GJA1: variants seen among roughly 807,000 people sequenced by gnomAD.
GJA1 encodes gap junction protein alpha 1.
A neutral mutation model predicts 31.0 loss-of-function variants in GJA1; 9 were observed. The observed-to-expected ratio is 0.29, with a 90% CI of 0.17 to 0.51. The LOEUF is 0.51. Ranked by LOEUF, GJA1 falls within the 20% of genes least tolerant of loss-of-function variation. The probability of loss-of-function intolerance (pLI) is 0.98; values close to 1 mark genes in which losing one functional copy is unlikely to be tolerated. For missense variants in GJA1, 278 were observed against 468.8 expected (o/e 0.59, Z 3.76); for synonymous variants, 186 against 180.1 (o/e 1.03, Z -0.26).
At chr6:121,444,017 T>A (rs796084873) in intron 1 of GJA1, among the ~76,000 whole-genome samples, 9 of 152,304 alleles carry the variant, frequency 5.9e-5, no homozygotes, top group African/African-American at 1.9e-4. Flanking sequence ...TGTCTGACCC[T>A]CATGGACTAT....
At position 121,447,549 on chromosome 6, in the gene GJA1, G is replaced by T; in HGVS notation, c.702G>T (p.Lys234Asn). 1 of 1,613,982 alleles carries T rather than the reference G, an allele frequency of 6.2e-7. No homozygotes were observed. Among genetic ancestry groups the T allele is most frequent in the Non-Finnish European group, 8.5e-7 (1 of 1,179,966 alleles). Residue 234 changes from lysine to asparagine, a missense_variant, in exon 2 of 2, where the codon AAG (lysine) becomes AAT (asparagine). This residue lies in a region of GJA1 where 172 missense variants were observed against 190.9 expected (regional missense o/e 0.90). Coordinates refer to ENST00000282561, the MANE Select transcript of GJA1 (RefSeq NM_000165.5). Reference sequence around the variant, plus strand: ...TTGAACTCTTCTATGTTTTCTTCAAGGGCGTTAAGGATCGGGTTAAGGGAA... The same window carrying T: ...TTGAACTCTTCTATGTTTTCTTCAATGGCGTTAAGGATCGGGTTAAGGGAA... The part of the protein sequence containing the change: ...NIIELFYVFF[K>N]GVKDRVKGKS...
intron 1 of GJA1, among the ~76,000 whole-genome samples, chr6:121,439,632 G>A (rs1009031301): frequency 6.6e-6 from 1 of 152,096 alleles, no homozygotes; most frequent in African/African-American, 2.4e-5. Flanking sequence ...TCTTTTATGG[G>A]ATGCACCATC....
rs1483450114 is a variant in GJA1, at chr6:121,447,351, C to T, written c.504C>T (p.Ala168=). ...SILFKSIFEV[A]FLLIQWYIYG... ...TCTTCAAGTCTATCTTTGAGGTGGC[C>T]TTCTTGCTGATCCAGTGGTACATCT... is the stretch of plus-strand genomic sequence containing the variant. The change falls in exon 2 of 2, where the codon GCC becomes GCT. Residue 168 remains alanine, a synonymous_variant. Coordinates refer to ENST00000282561, the MANE Select transcript of GJA1 (RefSeq NM_000165.5). 7 of 1,613,962 alleles carry T rather than the reference C, an allele frequency of 4.3e-6. No individual in the cohort carries two copies. In the Admixed American group the frequency reaches 6.7e-5, roughly 15 times the overall value.
chr6:121,438,594 T>A (rs1773709171), intron 1 of GJA1, among the ~76,000 whole-genome samples: 1 of 152,226 alleles, frequency 6.6e-6, no homozygotes, highest in Non-Finnish European at 1.5e-5. Context: ...CAGTGATTAA[T>A]ACCTTCCACT....
chr6:121,444,046 T>C (rs147096621), intron 1 of GJA1, among the ~76,000 whole-genome samples: 87 of 152,316 alleles, frequency 5.7e-4, no homozygotes, highest in Non-Finnish European at 1.1e-3. Context: ...ATTTCCAGTC[T>C]AGTATTTTCT....
intron 1 of GJA1, among the ~76,000 whole-genome samples, chr6:121,446,401 G>A (rs1235586905): frequency 6.6e-6 from 1 of 152,220 alleles, no homozygotes; most frequent in African/African-American, 2.4e-5. Flanking sequence ...TTCTTACCTG[G>A]ATTCTTGATA....
intron 1 of GJA1, among the ~76,000 whole-genome samples, chr6:121,437,103 C>T (rs1042495924): frequency 6.6e-6 from 1 of 152,138 alleles, no homozygotes; most frequent in Admixed American, 6.6e-5. Context: ...GCGCGGGGCG[C>T]CTCCTGCCAT....
chr6:121,439,317 C>T (rs1026009700), intron 1 of GJA1, among the ~76,000 whole-genome samples: 1 of 152,040 alleles, frequency 6.6e-6, no homozygotes, highest in African/African-American at 2.4e-5. Context: ...TTATTAAATT[C>T]TCATTGAAAA....
At chr6:121,446,062 G>A (rs1773884307) in intron 1 of GJA1, among the ~76,000 whole-genome samples, 1 of 152,220 alleles carries the variant, frequency 6.6e-6, no homozygotes, top group Non-Finnish European at 1.5e-5. Flanking sequence ...TTGGGAGGCT[G>A]AGGTAGATGG....
At chr6:121,437,437 G>T (rs538913767) in intron 1 of GJA1, among the ~76,000 whole-genome samples, 1 of 149,926 alleles carries the variant, frequency 6.7e-6, no homozygotes, top group Non-Finnish European at 1.5e-5. Context: ...TGAATACCTT[G>T]GGAATTGTGC....
At chr6:121,440,312 T>G (rs1038173040) in intron 1 of GJA1, among the ~76,000 whole-genome samples, 1 of 152,056 alleles carries the variant, frequency 6.6e-6, no homozygotes, top group African/African-American at 2.4e-5. Context: ...ATCCTAACCC[T>G]CATTAGGATC....
intron 1 of GJA1, among the ~76,000 whole-genome samples, chr6:121,446,631 C>CAAACA (rs575409588): frequency 1.3e-5 from 2 of 152,190 alleles, no homozygotes; most frequent in Non-Finnish European, 2.9e-5. Flanking sequence ...TTTGTCTCAA[C>CAAACA]AAACAAAACA....
At chr6:121,437,714 C>G (rs1296011760) in intron 1 of GJA1, among the ~76,000 whole-genome samples, 2 of 152,118 alleles carry the variant, frequency 1.3e-5, no homozygotes, top group African/African-American at 4.8e-5. Flanking sequence ...GCGTGCTTCT[C>G]TTTCTCTCCA....
Position 121,448,082 on chromosome 6 carries a change from T to C in GJA1, c.*86T>C, listed in dbSNP as rs1773921291. The C allele has an allele frequency of 6.6e-6, 8 of 1,220,274 alleles. No homozygotes were observed. Among genetic ancestry groups the C allele is most frequent in the Non-Finnish European group, 1.2e-6 (1 of 824,644 alleles). The allele number at this position is 1,220,274 out of a possible 1,614,324, so 75.6% of individuals were successfully genotyped here. On this transcript the variant is annotated 3_prime_UTR_variant, in exon 2 of 2. Coordinates refer to ENST00000282561, the MANE Select transcript of GJA1 (RefSeq NM_000165.5). Reference sequence around the variant, plus strand: ...AAAGTGCACCAGGTGTTAATTTTGATCCGGTGGAGGTGGTACTCAACAGCC... The same window carrying C: ...AAAGTGCACCAGGTGTTAATTTTGACCCGGTGGAGGTGGTACTCAACAGCC...
Position 121,448,090 on chromosome 6 carries a change from A to AG in GJA1, c.*96dup, listed in dbSNP as rs1278813939. The AG allele has an allele frequency of 2.0e-5, 22 of 1,122,756 alleles. No individual in the cohort carries two copies. The highest frequency in any genetic ancestry group is 1.1e-4 in the African/African-American group (7 of 65,578). The allele number at this position is 1,122,756 out of a possible 1,614,324, so 69.5% of individuals were successfully genotyped here. On this transcript the variant is annotated 3_prime_UTR_variant, in exon 2 of 2. Coordinates refer to ENST00000282561, the MANE Select transcript of GJA1 (RefSeq NM_000165.5). Reference sequence around the variant, plus strand: ...CCAGGTGTTAATTTTGATCCGGTGGAGGTGGTACTCAACAGCCTTATTCAT... The same window carrying AG: ...CCAGGTGTTAATTTTGATCCGGTGGAGGGTGGTACTCAACAGCCTTATTCAT...
intron 1 of GJA1, among the ~76,000 whole-genome samples, chr6:121,446,349 TAAGGTTTTGGAAAG>T (rs1740922795): frequency 6.6e-6 from 1 of 152,190 alleles, no homozygotes; most frequent in Admixed American, 6.5e-5. Flanking sequence ...ATAATAGCAT[TAAGGTTTTGGAAAG>T]AAGGTTATGG....
chr6:121,448,040 GA>G lies in GJA1; in HGVS notation c.*50del. 1 of 1,538,690 alleles carries G rather than the reference GA, an allele frequency of 6.5e-7. No homozygotes were observed. Among genetic ancestry groups the G allele is most frequent in the Non-Finnish European group, 9.0e-7 (1 of 1,111,422 alleles). On this transcript the variant is annotated 3_prime_UTR_variant, in exon 2 of 2. Transcript: ENST00000282561. ...CAAGATTCCACTCAATTGTGGAGAA[GA>G]AAAAAGGTGCTGTAGAAAGTGCACC... is the stretch of plus-strand genomic sequence containing the variant.
At chr6:121,437,351 GC>G (rs1235573415) in intron 1 of GJA1, among the ~76,000 whole-genome samples, 8 of 142,844 alleles carry the variant, frequency 5.6e-5, no homozygotes, top group African/African-American at 7.9e-5. Context: ...TCTCACACCA[GC>G]CCTTTTTTTT....
intron 1 of GJA1, among the ~76,000 whole-genome samples, chr6:121,440,239 A>C (rs2114273393): frequency 6.6e-6 from 1 of 152,222 alleles, no homozygotes; most frequent in East Asian, 1.9e-4. Context: ...TTAAATCTTA[A>C]CCTGCAACAA....
Sources: gnomAD v4.1 joint callset for allele counts (sites outside exome capture counted in the v4.1 genomes callset) on GRCh38, gnomAD v4.1.1 for gene constraint, gnomAD v4.1.1 regional missense constraint, MANE v1.5 for transcripts, NCBI Gene and HGNC (gene_info 2026-07-23, HGNC 2026-07-21) for gene names.